The following CLEC16A variants were observed in gnomAD, a reference collection of about 807,000 sequenced individuals.
CLEC16A encodes the protein protein CLEC16A.
In CLEC16A, 51 loss-of-function variants were observed where a neutral mutation model predicts 109.5. The observed-to-expected ratio is 0.47, with a 90% CI of 0.37 to 0.59. CLEC16A has a LOEUF of 0.59. CLEC16A is among the 20% of genes least tolerant of loss of function. The pLI is 0.00. For synonymous variants in CLEC16A, 673 were observed against 564.2 expected (o/e 1.19, Z -2.73); for missense variants, 1,339 against 1,394.0 (o/e 0.96, Z 0.63).
intron 14 of CLEC16A, chr16:11,040,515 T>TTTC (rs2152850268): frequency 3.3e-5 from 1 of 30,184 alleles, no homozygotes; most frequent in Non-Finnish European, 5.5e-5. Context: ...TTTTCTTTTC[T>TTTC]TTTTTTTTTT....
chr16:11,120,798 T>G (rs12925474), intron 20 of CLEC16A, 32 bp downstream of exon 20: 133,750 of 1,466,046 alleles, frequency 0.091, 6,596 homozygotes, highest in South Asian at 0.15. Flanking sequence ...GGATCTGTTC[T>G]CAGTTGGCTA....
At chr16:11,039,239 C>G (rs1052178767) in intron 13 of CLEC16A, among the ~76,000 whole-genome samples, 1 of 152,118 alleles carries the variant, frequency 6.6e-6, no homozygotes, top group Non-Finnish European at 1.5e-5. Context: ...GCCAACCTCC[C>G]TTTTTAACAA....
At position 11,039,627 on chromosome 16, in the gene CLEC16A, G is replaced by A. The variant is rs557636588; in HGVS notation, c.1538-127G>A. On this transcript the variant is annotated intron_variant, in intron 13 of 23. Coordinates refer to ENST00000409790, the MANE Select transcript of CLEC16A (RefSeq NM_015226.3). ...AAACTAAAAAAAAGAAAAGAAAAAGGAAAAGAAATCACCAAGAGGGAACAT... is the reference window on the plus strand; with the variant it reads ...AAACTAAAAAAAAGAAAAGAAAAAGAAAAAGAAATCACCAAGAGGGAACAT... 7.5e-4 allele frequency: 857 copies of A among 1,148,434 alleles called. 7 individuals carry two copies. The highest frequency in any genetic ancestry group is 6.9e-3 in the South Asian group (377 of 54,568). The allele number at this position is 1,148,434 out of a possible 1,614,324, so 71.1% of individuals were successfully genotyped here. A position where few individuals can be genotyped will look rare whatever the true frequency, so the allele number is the denominator to read the frequency against.
At chr16:11,042,520 C>A (rs1209398994) in intron 15 of CLEC16A, among the ~76,000 whole-genome samples, 157 bp downstream of exon 15, 1 of 152,220 alleles carries the variant, frequency 6.6e-6, no homozygotes, top group African/African-American at 2.4e-5. Context: ...CCCACTCCAA[C>A]CTACTTATTC....
intron 22 of CLEC16A, among the ~76,000 whole-genome samples, chr16:11,145,019 G>A (rs1170142685): frequency 1.3e-5 from 2 of 152,192 alleles, no homozygotes; most frequent in African/African-American, 4.8e-5. Context: ...TAGGTTTCAC[G>A]TGGTGCATCC....
intron 7 of CLEC16A, among the ~76,000 whole-genome samples, chr16:10,974,550 G>A (rs1355660043): frequency 6.6e-6 from 1 of 152,106 alleles, no homozygotes; most frequent in Non-Finnish European, 1.5e-5. Context: ...CTCCCCAGTC[G>A]TACCAACCAA....
intron 22 of CLEC16A, chr16:11,126,546 C>A: frequency 1.6e-6 from 1 of 617,680 alleles, no homozygotes; most frequent in Non-Finnish European, 2.5e-6. Context: ...AGAAGTGAGA[C>A]TTCAAAAGAA....
intron 20 of CLEC16A, 75 bp downstream of exon 20, chr16:11,120,841 A>AC (rs2052357452): frequency 1.3e-5 from 12 of 923,076 alleles, no homozygotes; most frequent in Middle Eastern, 2.8e-4. Flanking sequence ...CACACACACC[A>AC]CACACAATTG....
intron 12 of CLEC16A, among the ~76,000 whole-genome samples, chr16:11,022,676 G>C (rs1411721032): frequency 1.3e-5 from 2 of 152,080 alleles, no homozygotes; most frequent in African/African-American, 2.4e-5. Flanking sequence ...AAGGTGGGCA[G>C]ATCATGAGGT....
At chr16:11,137,792 G>A (rs1323643987) in intron 22 of CLEC16A, among the ~76,000 whole-genome samples, 12 of 152,030 alleles carry the variant, frequency 7.9e-5, no homozygotes, top group Admixed American at 7.2e-4. Flanking sequence ...CTGGGTAACA[G>A]AGCGAGACTC....
chr16:11,037,345 C>G (rs1359108732), intron 13 of CLEC16A, among the ~76,000 whole-genome samples: 2 of 152,268 alleles, frequency 1.3e-5, no homozygotes, highest in East Asian at 3.9e-4. Flanking sequence ...TGCTCTGTGA[C>G]CTTGGGGAAA....
intron 11 of CLEC16A, among the ~76,000 whole-genome samples, chr16:11,019,526 T>C (rs2045968088): frequency 2.0e-5 from 3 of 152,190 alleles, no homozygotes; most frequent in Non-Finnish European, 4.4e-5. Flanking sequence ...CCCAACACTT[T>C]GGGAGGCCGA....
intron 19 of CLEC16A, among the ~76,000 whole-genome samples, chr16:11,103,160 G>A (rs1276316738): frequency 6.6e-6 from 1 of 152,242 alleles, no homozygotes; most frequent in Non-Finnish European, 1.5e-5. Context: ...GGCTAGTGCT[G>A]GGCCCACAAG....
chr16:11,016,459 A>G (rs1007679046), intron 11 of CLEC16A, among the ~76,000 whole-genome samples: 61 of 149,768 alleles, frequency 4.1e-4, no homozygotes, highest in African/African-American at 1.4e-3. Context: ...AGCGATTCTC[A>G]TGCCTCAGCC....
chr16:11,100,746 T>C (rs1352673495), intron 19 of CLEC16A, among the ~76,000 whole-genome samples: 1 of 152,240 alleles, frequency 6.6e-6, no homozygotes, highest in Non-Finnish European at 1.5e-5. Context: ...CAGATGCTTA[T>C]TAAATATTAC....
chr16:11,049,196 C>T (rs1035446146), intron 17 of CLEC16A, among the ~76,000 whole-genome samples: 13 of 152,084 alleles, frequency 8.5e-5, no homozygotes, highest in South Asian at 2.1e-4. Context: ...TTAGTAGAGA[C>T]GGGGTTTCAC....
At position 11,044,914 on chromosome 16, in the gene CLEC16A, G is replaced by A. The variant is rs192036510; in HGVS notation, c.1815+842G>A. ...GCCCTCCATCCTAGGCAACAAGAGCGAAAACTCCATCTCAAAAAAAAAAAA... is the reference window on the plus strand; with the variant it reads ...GCCCTCCATCCTAGGCAACAAGAGCAAAAACTCCATCTCAAAAAAAAAAAA... On this transcript the variant is annotated intron_variant, in intron 16 of 23. Coordinates refer to ENST00000409790, the MANE Select transcript of CLEC16A (RefSeq NM_015226.3). Among the ~76,000 whole-genome samples the A allele has an allele frequency of 9.6e-3, 1,147 of 119,018 alleles. 4 individuals carry two copies. Among genetic ancestry groups the A allele is most frequent in the Admixed American group, 0.018 (187 of 10,116 alleles). 78.1% of individuals were successfully genotyped at this position (119,018 alleles called of 152,430 possible). A position where few individuals can be genotyped will look rare whatever the true frequency, so the allele number is the denominator to read the frequency against.
Position 11,044,868 on chromosome 16 carries a change from G to A in CLEC16A, c.1815+796G>A, listed in dbSNP as rs114496084. 9.1e-4 allele frequency among the ~76,000 whole-genome samples: 137 copies of A among 150,790 alleles called. 1 individual carries two copies. The highest frequency in any genetic ancestry group is 3.2e-3 in the African/African-American group (130 of 40,990). On this transcript the variant is annotated intron_variant, in intron 16 of 23. Transcript: ENST00000409790. ...TTGAACTCAGGAGGCAGAGATTGCG[G>A]CGAGCCAAGATAGCGCCATTGCCCT...
rs117646628 is a variant in CLEC16A, at chr16:11,158,645, G to A, written c.2642-7743G>A. ...GGGTTAAAAACAGAGGCTGGAGACC[G>A]GGAGCAGTGGCTCATACCTGTAATC... On this transcript the variant is annotated intron_variant, in intron 22 of 23. Coordinates refer to ENST00000409790, the MANE Select transcript of CLEC16A (RefSeq NM_015226.3). Among the ~76,000 whole-genome samples, 862 of 151,358 alleles carry A rather than the reference G, an allele frequency of 5.7e-3. 2 individuals are homozygous for A. Among genetic ancestry groups the A allele is most frequent in the Middle Eastern group, 0.021 (6 of 288 alleles).
Sources: allele counts gnomAD v4.1 joint callset (sites outside exome capture counted in the v4.1 genomes callset), GRCh38; gene constraint gnomAD v4.1.1; transcripts MANE v1.5; gene names NCBI Gene and HGNC (gene_info 2026-07-23, HGNC 2026-07-21).